CLK1: variants seen among roughly 807,000 people sequenced by gnomAD.
CLK1 encodes the protein CDC like kinase 1.
Under a neutral mutation model 60.9 loss-of-function variants are expected in CLK1, and 40 were observed. The ratio of observed to expected loss-of-function variants is 0.66; its 90% CI spans 0.51 to 0.86. CLK1 has a LOEUF of 0.86. Among genes scored for constraint, CLK1 ranks in the 40% least tolerant of loss-of-function variants. CLK1 has a pLI of 0.00. For missense variants in CLK1, 563 were observed against 606.1 expected (o/e 0.93, Z 0.75); for synonymous variants, 203 against 184.4 (o/e 1.10, Z -0.82).
chr2:200,857,473 T>A (rs1037581464), intron 7 of CLK1: 2 of 356,508 alleles, frequency 5.6e-6, no homozygotes, highest in African/African-American at 4.2e-5. Flanking sequence ...GAAGTTACTA[T>A]TTTTGCGCAT....
At chr2:200,859,850 T>C in intron 4 of CLK1, 104 bp from the exon 5 acceptor site, 1 of 1,519,708 alleles carries the variant, frequency 6.6e-7, no homozygotes, top group South Asian at 1.3e-5. Flanking sequence ...GCTACAAATT[T>C]CCTTATCACT....
intron 9 of CLK1, among the ~76,000 whole-genome samples, chr2:200,856,420 C>A (rs2039045617): frequency 6.6e-6 from 1 of 152,118 alleles, no homozygotes; most frequent in African/African-American, 2.4e-5. Context: ...CGCGCCCCAC[C>A]TGGCATTAAA....
chr2:200,862,915 A>T (rs1488598203), intron 1 of CLK1, among the ~76,000 whole-genome samples: 2 of 151,896 alleles, frequency 1.3e-5, no homozygotes, highest in Non-Finnish European at 2.9e-5. Context: ...ACAACAAAAC[A>T]CCATCTTTCC....
intron 1 of CLK1, chr2:200,864,257 T>C: frequency 2.6e-6 from 4 of 1,521,238 alleles, no homozygotes; most frequent in South Asian, 1.2e-5. Context: ...GTTCACAACA[T>C]GGCGCCCGCC....
At chr2:200,860,947 C>T (rs538709303) in intron 3 of CLK1, 1 of 1,151,332 alleles carries the variant, frequency 8.7e-7, no homozygotes, top group African/African-American at 1.6e-5. Context: ...CACAAAAAAC[C>T]CTTTTAGAAT....
intron 3 of CLK1, chr2:200,860,608 C>T (rs1259588048): frequency 4.0e-6 from 4 of 995,650 alleles, no homozygotes; most frequent in African/African-American, 1.7e-5. Context: ...TCAAAGTAGG[C>T]GGTGGCCAAA....
rs941442808 is a variant in CLK1 at position 200,856,795 on chromosome 2, G to A, written c.944C>T (p.Thr315Ile). The change falls in exon 9 of 13, where the codon ACC becomes ATC. Residue 315 changes from threonine to isoleucine, a missense_variant. Coordinates refer to ENST00000321356, the MANE Select transcript of CLK1 (RefSeq NM_004071.4). ...YNPKIKRDERTLINPDIKVVD... is the reference protein window; with the variant it reads ...YNPKIKRDERILINPDIKVVD... ...AACTTTAATATCTGGATTTATTAAG[G>A]TGCGTTCATCACGTTTCTGAAAATC... 4.3e-6 allele frequency: 7 copies of A among 1,613,298 alleles called. No homozygotes were observed. Among genetic ancestry groups the A allele is most frequent in the Admixed American group, 3.3e-5 (2 of 59,840 alleles).
chr2:200,861,415 G>A lies in CLK1; in HGVS notation c.213C>T (p.Arg71=). 6.2e-7 allele frequency: 1 copy of A among 1,614,080 alleles called. No individual in the cohort carries two copies. The highest frequency in any genetic ancestry group is 8.5e-7 in the Non-Finnish European group (1 of 1,180,018). Residue 71 remains arginine, a synonymous_variant, in exon 3 of 13, where the codon CGC becomes CGT. Coordinates refer to ENST00000321356, the MANE Select transcript of CLK1 (RefSeq NM_004071.4). Reference sequence around the variant, plus strand: ...AGTCATTTCTGTACTCATCAATGTAGCGTCGACTATGATAATCTTTCTCAT... The same window carrying A: ...AGTCATTTCTGTACTCATCAATGTAACGTCGACTATGATAATCTTTCTCAT... ...SINEKDYHSR[R]YIDEYRNDYT...
intron 6 of CLK1, 25 bp from the exon 7 acceptor site, chr2:200,857,909 A>G (rs775412998): frequency 6.2e-7 from 1 of 1,611,778 alleles, no homozygotes; most frequent in East Asian, 2.2e-5. Flanking sequence ...AAAATAGCTA[A>G]GTATAGTTGC....
chr2:200,856,656 G>A (rs991899600), intron 9 of CLK1, 26 bp downstream of exon 9: 32 of 1,537,532 alleles, frequency 2.1e-5, no homozygotes, highest in Admixed American at 4.3e-5. Context: ...AAATACAAAG[G>A]TTCTCAAAGG....
chr2:200,863,384 C>T (rs1331592980), intron 1 of CLK1: 1 of 151,520 alleles, frequency 6.6e-6, no homozygotes, highest in Admixed American at 6.6e-5. Flanking sequence ...TATAGAGAGA[C>T]CCCGCCTCTA....
chr2:200,857,002 A>T lies in CLK1; in HGVS notation c.833-17T>A. 6.2e-7 allele frequency: 1 copy of T among 1,603,568 alleles called. No homozygotes were observed. The highest frequency in any genetic ancestry group is 8.5e-7 in the Non-Finnish European group (1 of 1,171,938). ...TGTGCAAAACTGAGAATAAAGAGAA[A>T]GTTGCTGTAATCAGAAAACACCAAA... On this transcript the variant is annotated splice_polypyrimidine_tract_variant and intron_variant, in intron 7 of 12. Transcript: ENST00000321356.
chr2:200,857,162 CG>C, intron 7 of CLK1, 177 bp from the exon 8 acceptor site: 1 of 589,584 alleles, frequency 1.7e-6, no homozygotes, highest in Non-Finnish European at 3.0e-6. Flanking sequence ...AAAAATTGGC[CG>C]GGTGTGGTGG....
intron 7 of CLK1, 37 bp downstream of exon 7, chr2:200,857,681 A>G: frequency 1.3e-6 from 2 of 1,533,014 alleles, no homozygotes. Context: ...GGAATGGATA[A>G]AACCAGCAAA....
At chr2:200,855,144 A>T in intron 9 of CLK1, 58 bp from the exon 10 acceptor site, 1 of 1,347,804 alleles carries the variant, frequency 7.4e-7, no homozygotes, top group Non-Finnish European at 1.0e-6. Context: ...TAAAGAAATT[A>T]AAAAGTTAGT....
intron 4 of CLK1, 58 bp from the exon 5 acceptor site, chr2:200,859,804 C>T: frequency 1.9e-6 from 3 of 1,598,620 alleles, no homozygotes; most frequent in Non-Finnish European, 2.6e-6. Flanking sequence ...GTACTTATCA[C>T]AATAAATGCT....
chr2:200,863,506 G>C (rs2105744058), intron 1 of CLK1, among the ~76,000 whole-genome samples: 1 of 152,160 alleles, frequency 6.6e-6, no homozygotes. Flanking sequence ...GCAGTGAGCC[G>C]TCATTGCGCC....
At chr2:200,859,844 C>T (rs369173350) in intron 4 of CLK1, 98 bp from the exon 5 acceptor site, 19 of 1,532,912 alleles carry the variant, frequency 1.2e-5, no homozygotes, top group East Asian at 2.3e-5. Flanking sequence ...GTTGATGCTA[C>T]AAATTTCCTT....
rs1263903206 is a variant in CLK1 at position 200,861,874 on chromosome 2, G to T, written c.1-12C>A. The T allele has an allele frequency of 2.5e-6, 4 of 1,612,658 alleles. No homozygotes were observed. Among genetic ancestry groups the T allele is most frequent in the Non-Finnish European group, 3.4e-6 (4 of 1,179,216 alleles). Reference sequence around the variant, plus strand: ...TTTGAGTGTCTCATCTACATAAAAGGCAAGTTTTTCCTAGTTAAATTGTAC... The same window carrying T: ...TTTGAGTGTCTCATCTACATAAAAGTCAAGTTTTTCCTAGTTAAATTGTAC... On this transcript the variant is annotated splice_polypyrimidine_tract_variant and intron_variant, in intron 1 of 12. Transcript: ENST00000321356.
Sources: gnomAD v4.1 joint callset for allele counts (sites outside exome capture counted in the v4.1 genomes callset) on GRCh38, gnomAD v4.1.1 for gene constraint, MANE v1.5 for transcripts, NCBI Gene and HGNC (gene_info 2026-07-23, HGNC 2026-07-21) for gene names.